Variants in ATRNL1 observed in about 807,000 individuals in gnomAD.
ATRNL1 encodes the protein attractin like 1.
Under a neutral mutation model 182.7 loss-of-function variants are expected in ATRNL1, and 95 were observed. That is an observed-to-expected ratio of 0.52 (90% CI 0.44 to 0.62). The LOEUF is 0.62. Among genes scored for constraint, ATRNL1 ranks in the 20% least tolerant of loss-of-function variants. The pLI is 0.00. For synonymous variants in ATRNL1, 576 were observed against 568.3 expected, an observed-to-expected ratio of 1.01 and a Z score of -0.19; for missense variants, 1,471 against 1,679.5, an observed-to-expected ratio of 0.88 and a Z score of 2.17.
chr10:115,946,358 G>A lies in ATRNL1; in HGVS notation c.*1579G>A, dbSNP rs1156647671. ...TATTTCATAATGCCATTTATACATA[G>A]CTGAATTTGATGAGGATTGAATGTC... On this transcript the variant is annotated 3_prime_UTR_variant, in exon 29 of 29. Transcript: ENST00000355044. 1.3e-5 allele frequency: 2 copies of A among 152,150 alleles called. No homozygotes were observed. The highest frequency in any genetic ancestry group is 4.8e-5 in the African/African-American group (2 of 41,436). The allele number at this position is 152,150 out of a possible 1,614,324, so 9.4% of individuals were successfully genotyped here.
intron 8 of ATRNL1, among the ~76,000 whole-genome samples, chr10:115,188,138 G>A (rs1221282532): frequency 6.6e-6 from 1 of 151,916 alleles, no homozygotes; most frequent in African/African-American, 2.4e-5. Context: ...TGATAAACGG[G>A]AAAAATATTG....
intron 20 of ATRNL1, among the ~76,000 whole-genome samples, chr10:115,410,168 T>C (rs552651887): frequency 1.3e-5 from 2 of 152,260 alleles, no homozygotes; most frequent in East Asian, 3.9e-4. Flanking sequence ...ATCAGTGATA[T>C]TAGCCTATAG....
intron 26 of ATRNL1, among the ~76,000 whole-genome samples, chr10:115,717,335 A>T (rs1565314262): frequency 1.3e-5 from 2 of 152,092 alleles, no homozygotes; most frequent in Non-Finnish European, 2.9e-5. Flanking sequence ...AAAATAATGA[A>T]TCTAATTTAT....
intron 28 of ATRNL1, among the ~76,000 whole-genome samples, chr10:115,868,363 G>A (rs1310631381): frequency 6.6e-6 from 1 of 152,068 alleles, no homozygotes; most frequent in African/African-American, 2.4e-5. Flanking sequence ...GAGGTTACCC[G>A]TGACCGCCAA....
Position 115,948,514 on chromosome 10 carries a change from T to C in ATRNL1, c.*3735T>C, listed in dbSNP as rs568207813. The C allele has an allele frequency of 1.6e-4, 25 of 152,326 alleles. No homozygotes were observed. The highest frequency in any genetic ancestry group is 5.1e-4 in the African/African-American group (21 of 41,568). 9.4% of individuals were successfully genotyped at this position (152,326 alleles called of 1,614,324 possible). A position where few individuals can be genotyped will look rare whatever the true frequency, so the allele number is the denominator to read the frequency against. On this transcript the variant is annotated 3_prime_UTR_variant, in exon 29 of 29. Coordinates refer to ENST00000355044, the MANE Select transcript of ATRNL1 (RefSeq NM_207303.4). ...CAGGAATTGCTTGGGTTCAGGCAGA[T>C]TCCCACTTTCACCTCTAGAGATTTA...
At chr10:115,794,377 C>T (rs782033322) in intron 27 of ATRNL1, among the ~76,000 whole-genome samples, 5 of 152,076 alleles carry the variant, frequency 3.3e-5, no homozygotes, top group Non-Finnish European at 5.9e-5. Flanking sequence ...GAGAAATTAA[C>T]ACTGATGTAC....
chr10:115,469,254 A>G lies in ATRNL1; in HGVS notation c.3579A>G (p.Lys1193=), dbSNP rs782004341. ...ACAGAGATAGTTTTTCCTATGAAAA[A>G]TTTAACTTTAGAAGCAATCCTAACA... ...KEYRDSFSYE[K]FNFRSNPNIT... is the part of the protein sequence containing the mutation. Residue 1193 remains lysine, a synonymous_variant, in exon 24 of 29, where the codon AAA becomes AAG. Transcript: ENST00000355044. 5 of 1,519,134 alleles carry G rather than the reference A, an allele frequency of 3.3e-6. No individual in the cohort carries two copies. The African/African-American group carries it at 4.3e-5, about 13-fold the overall frequency. The allele number at this position is 1,519,134 out of a possible 1,614,324, so 94.1% of individuals were successfully genotyped here.
intron 27 of ATRNL1, among the ~76,000 whole-genome samples, chr10:115,747,874 C>T (rs1555069592): frequency 6.6e-6 from 1 of 152,054 alleles, no homozygotes; most frequent in Non-Finnish European, 1.5e-5. Context: ...TGCCTTCTTG[C>T]TGTATCCTCT....
intron 26 of ATRNL1, among the ~76,000 whole-genome samples, chr10:115,686,817 G>C (rs1346898051): frequency 1.3e-5 from 2 of 151,934 alleles, no homozygotes; most frequent in Non-Finnish European, 2.9e-5. Flanking sequence ...GCTACATTTG[G>C]AGAAGTTAGC....
At chr10:115,163,004 A>G (rs991554115) in intron 6 of ATRNL1, among the ~76,000 whole-genome samples, 5 of 150,584 alleles carry the variant, frequency 3.3e-5, no homozygotes, top group Non-Finnish European at 7.4e-5. Context: ...GTCTAGAGTT[A>G]GTTTAAGAGA....
chr10:115,256,997 G>T (rs1564856616), intron 10 of ATRNL1, among the ~76,000 whole-genome samples: 2 of 152,128 alleles, frequency 1.3e-5, no homozygotes, highest in African/African-American at 4.8e-5. Flanking sequence ...CTGAGAGACA[G>T]TTTTTTTGTG....
chr10:115,695,228 A>G (rs1020067139), intron 26 of ATRNL1, among the ~76,000 whole-genome samples: 7 of 152,176 alleles, frequency 4.6e-5, no homozygotes, highest in Non-Finnish European at 8.8e-5. Flanking sequence ...TTGGCTATTT[A>G]GTACAAATCT....
At chr10:115,578,582 C>G (rs965858176) in intron 26 of ATRNL1, among the ~76,000 whole-genome samples, 1 of 151,486 alleles carries the variant, frequency 6.6e-6, no homozygotes, top group Admixed American at 6.6e-5. Context: ...TCTGAGGTAT[C>G]CCTTATAATG....
intron 25 of ATRNL1, 55 bp downstream of exon 25, chr10:115,519,379 G>A: frequency 7.1e-7 from 1 of 1,399,976 alleles, no homozygotes; most frequent in Non-Finnish European, 1.0e-6. Context: ...TCTGATATAT[G>A]TCCTGTCAAT....
intron 26 of ATRNL1, among the ~76,000 whole-genome samples, chr10:115,710,050 G>A (rs1555054087): frequency 6.6e-6 from 1 of 151,892 alleles, no homozygotes; most frequent in African/African-American, 2.4e-5. Flanking sequence ...AAAGCATCTT[G>A]CATTGTAGAG....
At chr10:115,630,602 C>G (rs1858420944) in intron 26 of ATRNL1, among the ~76,000 whole-genome samples, 1 of 150,760 alleles carries the variant, frequency 6.6e-6, no homozygotes, top group South Asian at 2.1e-4. Context: ...ATGCAAACAA[C>G]CCATTTGTCC....
rs184442226 is a variant in ATRNL1 at position 115,453,016 on chromosome 10, G to C, written c.3323-8925G>C. Reference sequence around the variant, plus strand: ...AGGTCTATCTATGTTGTTGCAAATGGCAGAATTTCCATCCTTTTTAATGCT... The same window carrying C: ...AGGTCTATCTATGTTGTTGCAAATGCCAGAATTTCCATCCTTTTTAATGCT... On this transcript the variant is annotated intron_variant, in intron 21 of 28. Transcript: ENST00000355044. Among the ~76,000 whole-genome samples, 3 of 152,132 alleles carry C rather than the reference G, an allele frequency of 2.0e-5. No homozygotes were observed. The East Asian group carries it at 5.8e-4, about 29-fold the overall frequency.
At chr10:115,723,594 G>T (rs992646849) in intron 26 of ATRNL1, among the ~76,000 whole-genome samples, 3 of 144,708 alleles carry the variant, frequency 2.1e-5, no homozygotes, top group Non-Finnish European at 4.6e-5. Context: ...TGTTACCCAG[G>T]CTGGAGTGCA....
intron 17 of ATRNL1, among the ~76,000 whole-genome samples, chr10:115,302,417 CTT>C (rs1361472543): frequency 8.5e-5 from 13 of 152,158 alleles, no homozygotes; most frequent in Admixed American, 2.0e-4. Flanking sequence ...CCTTATATGA[CTT>C]TGATATTTTT....
Sources: gnomAD v4.1 joint callset for allele counts (sites outside exome capture counted in the v4.1 genomes callset) on GRCh38, gnomAD v4.1.1 for gene constraint, MANE v1.5 for transcripts, NCBI Gene and HGNC (gene_info 2026-07-23, HGNC 2026-07-21) for gene names.